Variants in ARHGAP6 observed in about 807,000 individuals in gnomAD.
The protein encoded by ARHGAP6 is rho GTPase-activating protein 6.
In ARHGAP6, 16 loss-of-function variants were observed where a neutral mutation model predicts 55.7. The ratio of observed to expected loss-of-function variants is 0.29; its 90% CI spans 0.19 to 0.44. The LOEUF (loss-of-function observed/expected upper bound fraction) is 0.44, where lower values mean the gene tolerates loss of function less well. Ranked by LOEUF, ARHGAP6 falls within the 20% of genes least tolerant of loss-of-function variation. ARHGAP6 has a pLI of 1.00. For missense variants in ARHGAP6, 698 were observed against 808.9 expected (o/e 0.86, Z 1.66); for synonymous variants, 382 against 360.9 (o/e 1.06, Z -0.66).
chrX:11,485,001 A>G (rs1481363337), intron 1 of ARHGAP6, among the ~76,000 whole-genome samples: 2 of 110,481 alleles, frequency 1.8e-5, no homozygotes, highest in African/African-American at 6.7e-5. Context: ...CACTGAAGAC[A>G]TTCACTGAGA....
chrX:11,259,460 T>C (rs1160294405), intron 1 of ARHGAP6, among the ~76,000 whole-genome samples: 1 of 112,112 alleles, frequency 8.9e-6, no homozygotes, highest in Non-Finnish European at 1.9e-5. Flanking sequence ...TTGAATAGAT[T>C]CTAGTTTGAG....
chrX:11,294,302 A>G (rs778592437), intron 1 of ARHGAP6, among the ~76,000 whole-genome samples: 1 of 112,348 alleles, frequency 8.9e-6, no homozygotes, highest in African/African-American at 3.2e-5. Context: ...TTCTCAAATG[A>G]TTAGTCCTTG....
intron 5 of ARHGAP6, among the ~76,000 whole-genome samples, chrX:11,185,824 T>G (rs2046380157): frequency 9.0e-6 from 1 of 110,694 alleles, no homozygotes; most frequent in African/African-American, 3.3e-5. Context: ...ATTCCCCAAT[T>G]TTTTTTTTAA....
intron 1 of ARHGAP6, among the ~76,000 whole-genome samples, chrX:11,353,544 C>T (rs1296080727): frequency 1.1e-5 from 1 of 89,274 alleles, no homozygotes; most frequent in Non-Finnish European, 2.2e-5. Flanking sequence ...AACAGTATTG[C>T]TTATAGTGTG....
At chrX:11,252,492 G>T (rs946090546) in intron 2 of ARHGAP6, among the ~76,000 whole-genome samples, 3 of 112,429 alleles carry the variant, frequency 2.7e-5, no homozygotes, top group Non-Finnish European at 3.8e-5. Context: ...AGGCAGGAGG[G>T]CGTTTCTCAA....
At chrX:11,174,663 CT>C (rs1263228128) in intron 8 of ARHGAP6, among the ~76,000 whole-genome samples, 3 of 79,215 alleles carry the variant, frequency 3.8e-5, no homozygotes, top group African/African-American at 1.4e-4. Flanking sequence ...TTCTTTCTTT[CT>C]TTCTTTCTTT....
intron 1 of ARHGAP6, among the ~76,000 whole-genome samples, chrX:11,430,306 C>A (rs2049928840): frequency 1.8e-5 from 2 of 112,620 alleles, no homozygotes; most frequent in Non-Finnish European, 3.8e-5. Context: ...ATGACTTCTG[C>A]CTTCTAGCAT....
intron 2 of ARHGAP6, among the ~76,000 whole-genome samples, chrX:11,243,804 T>C (rs2047317481): frequency 8.9e-6 from 1 of 112,332 alleles, no homozygotes; most frequent in Admixed American, 9.4e-5. Flanking sequence ...TATGTTTAGA[T>C]ACATAGATAC....
At chrX:11,415,661 C>T (rs988718270) in intron 1 of ARHGAP6, among the ~76,000 whole-genome samples, 7 of 111,877 alleles carry the variant, frequency 6.3e-5, no homozygotes, top group Non-Finnish European at 9.4e-5. Context: ...TTGCTGTGGC[C>T]AGTAGCAGGT....
At chrX:11,221,040 C>T (rs1309924123) in intron 2 of ARHGAP6, among the ~76,000 whole-genome samples, 1 of 112,018 alleles carries the variant, frequency 8.9e-6, no homozygotes, top group East Asian at 2.8e-4. Context: ...CAAAGAAGGA[C>T]ATTACATAAT....
rs992722571 is a variant in ARHGAP6, at chrX:11,186,450, C to T, written c.1078-19G>A. 4.8e-5 allele frequency: 57 copies of T among 1,193,219 alleles called. No individual in the cohort carries two copies. The highest frequency in any genetic ancestry group is 6.0e-5 in the Non-Finnish European group (53 of 883,454). ...TGGCACCCTGCAAGTGACACAGAGCCGTGAACATAAAGTACAGATAGCCAA... is the reference window on the plus strand; with the variant it reads ...TGGCACCCTGCAAGTGACACAGAGCTGTGAACATAAAGTACAGATAGCCAA... On this transcript the variant is annotated intron_variant, in intron 4 of 12. Transcript: ENST00000337414.
intron 2 of ARHGAP6, among the ~76,000 whole-genome samples, chrX:11,203,365 A>G (rs1286823483): frequency 9.0e-6 from 1 of 111,646 alleles, no homozygotes; most frequent in African/African-American, 3.3e-5. Flanking sequence ...CCAGAGTGCC[A>G]TTTTTCTAAC....
intron 1 of ARHGAP6, among the ~76,000 whole-genome samples, chrX:11,629,398 T>C (rs1450253971): frequency 1.8e-5 from 2 of 111,487 alleles, no homozygotes; most frequent in Non-Finnish European, 3.8e-5. Context: ...TGGTCATTTT[T>C]CACTCATTCA....
chrX:11,428,808 T>C (rs1351513197), intron 1 of ARHGAP6, among the ~76,000 whole-genome samples: 1 of 111,764 alleles, frequency 8.9e-6, no homozygotes, highest in East Asian at 2.8e-4. Context: ...TTTAAAACAA[T>C]CACAGCATAA....
chrX:11,208,520 G>A (rs1168344320), intron 2 of ARHGAP6, among the ~76,000 whole-genome samples: 1 of 112,013 alleles, frequency 8.9e-6, no homozygotes, highest in Admixed American at 9.5e-5. Context: ...TAGCTCAGCA[G>A]ATCTGTGTTG....
intron 2 of ARHGAP6, among the ~76,000 whole-genome samples, chrX:11,220,369 A>G (rs1421324518): frequency 9.0e-6 from 1 of 111,496 alleles, no homozygotes; most frequent in Admixed American, 9.6e-5. Flanking sequence ...AAAATGTTAA[A>G]GGCAGCCAGA....
chrX:11,198,111 T>C (rs985918443), intron 2 of ARHGAP6, among the ~76,000 whole-genome samples: 7 of 111,996 alleles, frequency 6.3e-5, no homozygotes, highest in African/African-American at 2.3e-4. Context: ...TGAGCATTCC[T>C]GGTATCCTCA....
At chrX:11,241,569 T>C (rs187155377) in intron 2 of ARHGAP6, among the ~76,000 whole-genome samples, 1,335 of 102,666 alleles carry the variant, frequency 0.013, 9 homozygotes, top group Middle Eastern at 0.047. Context: ...TGTGTGTGTG[T>C]GTGTGCGCGT....
In ARHGAP6 at chrX:11,239,235, A is replaced by T. The variant is rs1407149060; in HGVS notation, c.748+15313T>A. 2.7e-5 allele frequency among the ~76,000 whole-genome samples: 3 copies of T among 111,428 alleles called. No homozygotes were observed. The Admixed American group carries it at 2.9e-4, about 11-fold the overall frequency. On this transcript the variant is annotated intron_variant, in intron 2 of 12. Coordinates refer to ENST00000337414, the MANE Select transcript of ARHGAP6 (RefSeq NM_013427.3). ...TATACTATCTTCATAACTCTCTGTA[A>T]TTCTAAAATTATTCCAAAATTAAAA...
Sources: gnomAD v4.1 joint callset for allele counts (sites outside exome capture counted in the v4.1 genomes callset) on GRCh38, gnomAD v4.1.1 for gene constraint, MANE v1.5 for transcripts, NCBI Gene and HGNC (gene_info 2026-07-23, HGNC 2026-07-21) for gene names.